Variants in EIF4E3 observed in about 807,000 individuals in gnomAD.
The protein encoded by EIF4E3 is eukaryotic translation initiation factor 4E family member 3.
EIF4E3 carries 26 observed loss-of-function variants against 31.7 expected under a neutral mutation model. The ratio of observed to expected loss-of-function variants is 0.82; its 90% confidence interval spans 0.60 to 1.14. The LOEUF (loss-of-function observed/expected upper bound fraction) is 1.14, where lower values mean the gene tolerates loss of function less well. Among genes scored for constraint, EIF4E3 ranks in the 50% most tolerant of loss-of-function variants. The pLI, the probability that EIF4E3 is intolerant of heterozygous loss-of-function variation, is 0.00. For missense variants in EIF4E3, 304 were observed against 270.9 expected (o/e 1.12, Z -0.86); for synonymous variants, 128 against 107.7 (o/e 1.19, Z -1.17).
At chr3:71,749,957 A>C (rs1000940794) in intron 1 of EIF4E3, among the ~76,000 whole-genome samples, 9 of 152,194 alleles carry the variant, frequency 5.9e-5, no homozygotes, top group Non-Finnish European at 8.8e-5. Context: ...ACAAATGTTG[A>C]TAATGAAAGA....
chr3:71,688,873 T>G (rs1042655829), intron 6 of EIF4E3, among the ~76,000 whole-genome samples: 1 of 152,242 alleles, frequency 6.6e-6, no homozygotes, highest in African/African-American at 2.4e-5. Flanking sequence ...ATATCTGTAG[T>G]GCCAGATCAG....
At chr3:71,754,120 C>A, upstream of EIF4E3, 1 of 1,428,770 alleles carries the variant, frequency 7.0e-7, no homozygotes, top group South Asian at 1.3e-5. The surrounding 1 kb of genome is among the most constrained non-coding windows in gnomAD (Gnocchi z 5.8). Flanking sequence ...AAGCTGGCCA[C>A]GCTCAGCCTG....
rs1002599304 is a variant in EIF4E3, at chr3:71,683,578, C to T, written c.*1104G>A. ...ATATATATCAACAATCCCAATAATTCATATGAGCAGAATGCACTCAAAGTT... is the reference window on the plus strand; with the variant it reads ...ATATATATCAACAATCCCAATAATTTATATGAGCAGAATGCACTCAAAGTT... On this transcript the variant is annotated 3_prime_UTR_variant, in exon 7 of 7. Transcript: ENST00000425534. 3 of 152,186 alleles carry T rather than the reference C, an allele frequency of 2.0e-5. No individual in the cohort carries two copies. Among genetic ancestry groups the T allele is most frequent in the Admixed American group, 2.0e-4 (3 of 15,282 alleles). 9.4% of individuals were successfully genotyped at this position (152,186 alleles called of 1,614,324 possible).
chr3:71,663,616 G>A, the EIF4E3 span, among the ~76,000 whole-genome samples: 2 of 152,162 alleles, frequency 1.3e-5, no homozygotes, highest in African/African-American at 2.4e-5. Context: ...TAGATATTGG[G>A]GTGAGGACCC....
intron 4 of EIF4E3, 109 bp downstream of exon 4, chr3:71,696,351 T>C (rs1006871987): frequency 5.1e-6 from 6 of 1,172,826 alleles, no homozygotes; most frequent in Admixed American, 3.8e-5. Flanking sequence ...CCCAGCCTGT[T>C]TGGGGACTGC....
Position 71,696,499 on chromosome 3 carries a change from C to T in EIF4E3, c.366G>A (p.Lys122=). The T allele has an allele frequency of 6.2e-7, 1 of 1,614,140 alleles. No individual in the cohort carries two copies. Among genetic ancestry groups the T allele is most frequent in the Non-Finnish European group, 8.5e-7 (1 of 1,180,030 alleles). Reference sequence around the variant, plus strand: ...GGACTTTCATCTTCCATACGCCACCCTTTGCATTACTCTCCTCTTCCCTGG... The same window carrying T: ...GGACTTTCATCTTCCATACGCCACCTTTTGCATTACTCTCCTCTTCCCTGG... ...RPLWEEESNA[K]GGVWKMKVPK... The change falls in exon 4 of 7, where the codon AAG becomes AAA. Residue 122 remains lysine, a synonymous_variant. Transcript: ENST00000425534.
chr3:71,753,920 G>A, upstream of EIF4E3: 1 of 989,338 alleles, frequency 1.0e-6, no homozygotes, highest in Non-Finnish European at 1.2e-6. Flanking sequence ...GGCCGGGAGC[G>A]GGCTGAGCCC....
chr3:71,691,307 T>TTTTA (rs2049060221), intron 5 of EIF4E3, among the ~76,000 whole-genome samples: 1 of 152,260 alleles, frequency 6.6e-6, no homozygotes, highest in African/African-American at 2.4e-5. Flanking sequence ...AACATTTTAG[T>TTTTA]ATTAGGATAT....
chr3:71,719,421 G>T (rs184563117), intron 1 of EIF4E3, among the ~76,000 whole-genome samples: 1 of 152,228 alleles, frequency 6.6e-6, no homozygotes, highest in Admixed American at 6.5e-5. Flanking sequence ...GCACAGCCAG[G>T]TGATTCTGAT....
upstream of EIF4E3, among the ~76,000 whole-genome samples, chr3:71,730,224 G>A (rs2049690950): frequency 6.6e-6 from 1 of 152,140 alleles, no homozygotes; most frequent in African/African-American, 2.4e-5. Context: ...GTTCAAGAGT[G>A]ATTGCTTCAG....
chr3:71,734,064 T>C (rs547958845), intron 1 of EIF4E3, among the ~76,000 whole-genome samples: 2 of 152,234 alleles, frequency 1.3e-5, no homozygotes, highest in Non-Finnish European at 2.9e-5. Context: ...TGTTAATTTT[T>C]CACTCTTTTC....
At chr3:71,694,602 G>A (rs928121926) in intron 4 of EIF4E3, among the ~76,000 whole-genome samples, 6 of 152,142 alleles carry the variant, frequency 3.9e-5, no homozygotes, top group Non-Finnish European at 8.8e-5. Flanking sequence ...GCATCCAATA[G>A]ACAGCTACAT....
intron 2 of EIF4E3, among the ~76,000 whole-genome samples, chr3:71,704,949 A>G (rs1317561733): frequency 6.6e-6 from 1 of 152,250 alleles, no homozygotes; most frequent in Non-Finnish European, 1.5e-5. Context: ...ATAGATGTTG[A>G]TCCTATTATG....
At chr3:71,741,570 C>A (rs2049821451) in intron 1 of EIF4E3, among the ~76,000 whole-genome samples, 1 of 152,136 alleles carries the variant, frequency 6.6e-6, no homozygotes, top group African/African-American at 2.4e-5. Flanking sequence ...AGAATTATAG[C>A]CAGAGATTTC....
chr3:71,739,779 CA>C (rs1232280842), intron 1 of EIF4E3, among the ~76,000 whole-genome samples: 2 of 151,848 alleles, frequency 1.3e-5, no homozygotes, highest in East Asian at 3.8e-4. Context: ...CAGAAAGAAA[CA>C]AAGGGCACTG....
At chr3:71,705,122 AG>A (rs2049271390) in intron 2 of EIF4E3, among the ~76,000 whole-genome samples, 1 of 152,082 alleles carries the variant, frequency 6.6e-6, no homozygotes, top group Non-Finnish European at 1.5e-5. Flanking sequence ...CCTTCAGCCA[AG>A]TGGTTCACTC....
At chr3:71,741,210 A>T (rs931858222) in intron 1 of EIF4E3, among the ~76,000 whole-genome samples, 3 of 152,006 alleles carry the variant, frequency 2.0e-5, no homozygotes, top group African/African-American at 7.3e-5. Flanking sequence ...ACACACACAC[A>T]CACACATCCT....
At chr3:71,715,921 T>C (rs1336054113) in intron 1 of EIF4E3, among the ~76,000 whole-genome samples, 2 of 152,338 alleles carry the variant, frequency 1.3e-5, no homozygotes, top group Non-Finnish European at 2.9e-5. Context: ...TGGGTTCTTC[T>C]CCTGGTCTAT....
upstream of EIF4E3, among the ~76,000 whole-genome samples, chr3:71,753,891 G>C (rs1056915762): frequency 1.3e-5 from 2 of 148,390 alleles, no homozygotes; most frequent in African/African-American, 4.9e-5. Context: ...GCGGCGGCTC[G>C]GGGAGCCCAG....
Sources: gnomAD v4.1 joint callset for allele counts (sites outside exome capture counted in the v4.1 genomes callset) on GRCh38, gnomAD v4.1.1 for gene constraint, Gnocchi (gnomAD v3.1) non-coding constraint, MANE v1.5 for transcripts, NCBI Gene and HGNC (gene_info 2026-07-23, HGNC 2026-07-21) for gene names.